Variants in PCDHAC1 observed in about 807,000 individuals in gnomAD.
The protein encoded by PCDHAC1 is protocadherin alpha subfamily C, 1.
In PCDHAC1, 42 loss-of-function variants were observed where a neutral mutation model predicts 60.0. The ratio of observed to expected loss-of-function variants is 0.70; its 90% CI spans 0.55 to 0.90. The LOEUF is 0.90. PCDHAC1 is among the 40% of genes least tolerant of loss of function. PCDHAC1 has a pLI of 0.00. For missense variants in PCDHAC1, 1,160 were observed against 1,222.3 expected (o/e 0.95, Z 0.76); for synonymous variants, 468 against 499.3 (o/e 0.94, Z 0.84).
chr5:140,993,462 TCACA>T (rs3836747), intron 3 of PCDHAC1, among the ~76,000 whole-genome samples: 18,508 of 140,892 alleles, frequency 0.13, 1,341 homozygotes, highest in African/African-American at 0.21. Flanking sequence ...TCTTTCTTTC[TCACA>T]CACACACACA....
At chr5:140,965,128 A>G (rs2095876420) in intron 1 of PCDHAC1, among the ~76,000 whole-genome samples, 1 of 152,244 alleles carries the variant, frequency 6.6e-6, no homozygotes, top group African/African-American at 2.4e-5. Flanking sequence ...AGATCTACAG[A>G]TGACAGAATA....
At chr5:140,937,836 T>C (rs2091788765) in intron 1 of PCDHAC1, among the ~76,000 whole-genome samples, 1 of 150,366 alleles carries the variant, frequency 6.7e-6, no homozygotes, top group Non-Finnish European at 1.5e-5. Flanking sequence ...GGCATGAACC[T>C]GGAAGGCGGA....
intron 1 of PCDHAC1, among the ~76,000 whole-genome samples, chr5:140,975,632 A>G (rs1554236932): frequency 1.3e-5 from 2 of 152,216 alleles, no homozygotes; most frequent in African/African-American, 4.8e-5. Context: ...CATGGTACGA[A>G]GATAGCATAT....
At chr5:140,969,529 T>G in intron 1 of PCDHAC1, 7 of 1,377,800 alleles carry the variant, frequency 5.1e-6, no homozygotes, top group Non-Finnish European at 6.8e-6. Flanking sequence ...GTTTTATTTT[T>G]CATTTTCAGA....
At chr5:140,946,059 G>T (rs979423479) in intron 1 of PCDHAC1, among the ~76,000 whole-genome samples, 4 of 152,038 alleles carry the variant, frequency 2.6e-5, no homozygotes, top group Non-Finnish European at 4.4e-5. Flanking sequence ...CAGAATGGGA[G>T]AAAATATTTG....
At chr5:140,988,483 C>T (rs2097299555) in intron 3 of PCDHAC1, among the ~76,000 whole-genome samples, 2 of 152,030 alleles carry the variant, frequency 1.3e-5, no homozygotes, top group African/African-American at 4.8e-5. Context: ...AATTAGCATC[C>T]CCTACCTAGG....
intron 1 of PCDHAC1, among the ~76,000 whole-genome samples, chr5:140,973,426 C>T (rs1554235288): frequency 6.6e-6 from 1 of 152,192 alleles, no homozygotes; most frequent in East Asian, 1.9e-4. Flanking sequence ...GTTTTTCATC[C>T]TCTGATGGTC....
intron 3 of PCDHAC1, among the ~76,000 whole-genome samples, chr5:140,990,589 C>G (rs1208213426): frequency 6.6e-6 from 1 of 152,196 alleles, no homozygotes; most frequent in African/African-American, 2.4e-5. Flanking sequence ...TTCCTATAAT[C>G]ACCTGGAGTC....
chr5:140,986,793 G>A lies in PCDHAC1; in HGVS notation c.2581+4230G>A, dbSNP rs945707149. 6.6e-5 allele frequency among the ~76,000 whole-genome samples: 10 copies of A among 152,312 alleles called. No homozygotes were observed. In the East Asian group the frequency reaches 1.7e-3, roughly 26 times the overall value. ...TTAGGTAGCGGAAGCCACTAAGGCA[G>A]TGAGTCTTAGTTAGAGAACTTTGGT... On this transcript the variant is annotated intron_variant, in intron 3 of 3. Coordinates refer to ENST00000253807, the MANE Select transcript of PCDHAC1 (RefSeq NM_018898.5).
intron 1 of PCDHAC1, among the ~76,000 whole-genome samples, chr5:140,942,875 C>A (rs1003014974): frequency 2.0e-5 from 3 of 151,896 alleles, no homozygotes; most frequent in African/African-American, 7.3e-5. Flanking sequence ...AGCATGACAA[C>A]TTTTTTCCTA....
rs1439259875 is a variant in PCDHAC1 at position 141,011,882 on chromosome 5, GATTA to G, written c.*1950_*1953del. On this transcript the variant is annotated 3_prime_UTR_variant, in exon 4 of 4. Coordinates refer to ENST00000253807, the MANE Select transcript of PCDHAC1 (RefSeq NM_018898.5). ...GTTATAATGTACAATTTAGAAGTTTGATTAATTATATTATCTATTTAGGCATTAA... is the reference window on the plus strand; with the variant it reads ...GTTATAATGTACAATTTAGAAGTTTGATTATATTATCTATTTAGGCATTAA... 2.0e-5 allele frequency: 3 copies of G among 153,360 alleles called. No homozygotes were observed. Among genetic ancestry groups the G allele is most frequent in the Non-Finnish European group, 4.4e-5 (3 of 68,010 alleles). 9.5% of individuals were successfully genotyped at this position (153,360 alleles called of 1,614,324 possible).
At chr5:140,967,978 G>A in intron 1 of PCDHAC1, 5 of 1,614,206 alleles carry the variant, frequency 3.1e-6, no homozygotes, top group Non-Finnish European at 3.4e-6. Flanking sequence ...GCCTGGGTCT[G>A]GAGGCCACAC....
intron 1 of PCDHAC1, among the ~76,000 whole-genome samples, chr5:140,937,289 G>A (rs1252675615): frequency 6.6e-5 from 10 of 151,862 alleles, no homozygotes; most frequent in African/African-American, 9.7e-5. Flanking sequence ...CACCCGCTTC[G>A]GCCTCCCAAA....
intron 3 of PCDHAC1, among the ~76,000 whole-genome samples, chr5:140,997,165 G>A (rs1554255769): frequency 6.6e-6 from 1 of 151,976 alleles, no homozygotes; most frequent in African/African-American, 2.4e-5. Flanking sequence ...CCTGCCCAGA[G>A]TGGTACATTC....
rs573633705 is a variant in PCDHAC1, at chr5:140,978,668, C to T, written c.2434-281C>T. ...TGTTCTTCCCGTAGTGTTTTAAGAACACAGACATGTATTGGGCAAGGCAAA... is the reference window on the plus strand; with the variant it reads ...TGTTCTTCCCGTAGTGTTTTAAGAATACAGACATGTATTGGGCAAGGCAAA... On this transcript the variant is annotated intron_variant, in intron 1 of 3. Coordinates refer to ENST00000253807, the MANE Select transcript of PCDHAC1 (RefSeq NM_018898.5). 4.6e-5 allele frequency among the ~76,000 whole-genome samples: 7 copies of T among 152,362 alleles called. No homozygotes were observed. The East Asian group carries it at 1.3e-3, about 29-fold the overall frequency.
intron 1 of PCDHAC1, among the ~76,000 whole-genome samples, chr5:140,974,337 T>TA (rs2096623719): frequency 6.6e-6 from 1 of 152,214 alleles, no homozygotes; most frequent in Admixed American, 6.5e-5. Context: ...GCTAGCAGGC[T>TA]ATGCATCCAG....
chr5:140,997,384 A>T (rs2097769179), intron 3 of PCDHAC1, among the ~76,000 whole-genome samples: 1 of 152,198 alleles, frequency 6.6e-6, no homozygotes, highest in South Asian at 2.1e-4. Context: ...AGCATACTAC[A>T]CACTTAGGCT....
chr5:140,967,020 C>G (rs782147091), intron 1 of PCDHAC1: 4 of 1,607,570 alleles, frequency 2.5e-6, no homozygotes, highest in African/African-American at 1.3e-5. Flanking sequence ...CTGGGTGCGC[C>G]CAGTCCGCGC....
chr5:140,981,489 G>A (rs1554242906), intron 2 of PCDHAC1, among the ~76,000 whole-genome samples: 1 of 152,194 alleles, frequency 6.6e-6, no homozygotes, highest in Non-Finnish European at 1.5e-5. Flanking sequence ...CAGGAGAATT[G>A]CTTGAACCTG....
Sources: gnomAD v4.1 joint callset for allele counts (sites outside exome capture counted in the v4.1 genomes callset) on GRCh38, gnomAD v4.1.1 for gene constraint, MANE v1.5 for transcripts, NCBI Gene and HGNC (gene_info 2026-07-23, HGNC 2026-07-21) for gene names.